CCNY: variants seen among roughly 807,000 people sequenced by gnomAD.
CCNY encodes cyclin-Y.
Under a neutral mutation model 42.8 loss-of-function variants are expected in CCNY, and 19 were observed. That is an observed-to-expected ratio of 0.44 (90% CI 0.31 to 0.65). CCNY has a LOEUF of 0.65. CCNY is among the 30% of genes least tolerant of loss of function. The pLI, the probability that CCNY is intolerant of heterozygous loss-of-function variation, is 0.07. For missense variants in CCNY, 370 were observed against 437.3 expected (o/e 0.85, Z 1.37); for synonymous variants, 165 against 162.7 (o/e 1.01, Z -0.11).
At chr10:35,393,573 C>T (rs1031885139) in intron 1 of CCNY, among the ~76,000 whole-genome samples, 3 of 152,196 alleles carry the variant, frequency 2.0e-5, no homozygotes, top group Admixed American at 2.0e-4. Context: ...TCCTGCAGCT[C>T]GTTTTGCCTC....
At chr10:35,474,025 A>C (rs1445694812) in intron 1 of CCNY, among the ~76,000 whole-genome samples, 1 of 152,168 alleles carries the variant, frequency 6.6e-6, no homozygotes, top group Non-Finnish European at 1.5e-5. Context: ...TAATCAAAGA[A>C]AGGGGTGACG....
intron 1 of CCNY, among the ~76,000 whole-genome samples, chr10:35,362,978 G>C (rs1262185875): frequency 6.6e-6 from 1 of 151,936 alleles, no homozygotes; most frequent in East Asian, 1.9e-4. Flanking sequence ...TCACTTCCCA[G>C]ACAGGGCGGC....
At chr10:35,499,723 A>G (rs1487788004) in intron 2 of CCNY, among the ~76,000 whole-genome samples, 3 of 152,144 alleles carry the variant, frequency 2.0e-5, no homozygotes, top group African/African-American at 7.2e-5. Context: ...TCTCTTTTGC[A>G]CAAACCTATC....
rs201334423 is a variant in CCNY, at chr10:35,304,982, T to TATTTAGGAG, written c.-9+54357_-9+54365dup. Among the ~76,000 whole-genome samples the TATTTAGGAG allele has an allele frequency of 6.9e-3, 1,044 of 152,306 alleles. 4 individuals carry two copies. The highest frequency in any genetic ancestry group is 0.02 in the African/African-American group (836 of 41,566). ...TCATCACTGTTGCCGTGTTGCACAG[T>TATTTAGGAG]ATTTAGGAGCCTAATATACAAGTGT... On this transcript the variant is annotated intron_variant, in intron 3 of 11. Coordinates refer to the CCNY transcript ENST00000374706.
chr10:35,546,586 A>T lies in CCNY; in HGVS notation c.580-6433A>T, dbSNP rs115846233. On this transcript the variant is annotated intron_variant, in intron 7 of 9. Coordinates refer to ENST00000374704, the MANE Select transcript of CCNY (RefSeq NM_145012.6). ...CTAAAGAAGTTGCAGCTGACCCTTG[A>T]CTATAGTTTTATTGGCAAGTTTTGC... 3.3e-3 allele frequency among the ~76,000 whole-genome samples: 509 copies of T among 152,344 alleles called. 4 individuals carry two copies. Among genetic ancestry groups the T allele is most frequent in the African/African-American group, 0.012 (479 of 41,578 alleles).
chr10:35,434,221 G>A (rs1311038093), intron 1 of CCNY: 2 of 152,244 alleles, frequency 1.3e-5, no homozygotes, highest in African/African-American at 4.8e-5. Flanking sequence ...CACAAAGGCT[G>A]TAAGTCTGGA....
At chr10:35,487,678 G>A (rs992071556) in intron 2 of CCNY, among the ~76,000 whole-genome samples, 6 of 152,104 alleles carry the variant, frequency 3.9e-5, no homozygotes, top group African/African-American at 1.4e-4. Context: ...AACTGGTTAA[G>A]TAGCCTGCTC....
upstream of CCNY, among the ~76,000 whole-genome samples, chr10:35,332,627 C>T (rs3003977): frequency 0.069 from 10,566 of 152,160 alleles, 580 homozygotes; most frequent in African/African-American, 0.16. Flanking sequence ...TTTTTTGAGA[C>T]GGAGTCTTGC....
At chr10:35,377,078 G>GCA (rs1837068848) in intron 1 of CCNY, among the ~76,000 whole-genome samples, 1 of 152,180 alleles carries the variant, frequency 6.6e-6, no homozygotes. Context: ...ATGCAATGGT[G>GCA]GTCCCATAAG....
At chr10:35,527,117 A>G (rs535994777) in intron 5 of CCNY, among the ~76,000 whole-genome samples, 2 of 152,352 alleles carry the variant, frequency 1.3e-5, no homozygotes, top group South Asian at 2.1e-4. Flanking sequence ...ATGATCACCT[A>G]TTTCCATACT....
chr10:35,254,286 A>G (rs531418255), intron 3 of CCNY, among the ~76,000 whole-genome samples: 13 of 152,252 alleles, frequency 8.5e-5, no homozygotes, highest in African/African-American at 2.9e-4. Flanking sequence ...ATTCACCATC[A>G]GTAAATGTGT....
intron 3 of CCNY, among the ~76,000 whole-genome samples, chr10:35,269,007 G>C (rs1340289507): frequency 6.6e-6 from 1 of 152,216 alleles, no homozygotes; most frequent in Non-Finnish European, 1.5e-5. Context: ...TTCATGAACA[G>C]CATCTGGCTT....
At chr10:35,540,789 C>A (rs1840983689) in intron 7 of CCNY, among the ~76,000 whole-genome samples, 1 of 152,026 alleles carries the variant, frequency 6.6e-6, no homozygotes. Flanking sequence ...ATCAGCATTA[C>A]CCAATTTGTT....
chr10:35,342,275 T>C (rs1227417169), intron 1 of CCNY, among the ~76,000 whole-genome samples: 1 of 152,258 alleles, frequency 6.6e-6, no homozygotes, highest in Admixed American at 6.5e-5. Context: ...TGCAGCACTC[T>C]TTCTTGAATC....
intron 1 of CCNY, among the ~76,000 whole-genome samples, chr10:35,400,928 G>A (rs766662196): frequency 1.6e-4 from 24 of 152,282 alleles, no homozygotes; most frequent in Admixed American, 3.9e-4. Context: ...ATCTTAATGC[G>A]CACTTTTTTT....
chr10:35,405,278 A>T (rs1837733114), intron 1 of CCNY, among the ~76,000 whole-genome samples: 1 of 151,758 alleles, frequency 6.6e-6, no homozygotes, highest in Non-Finnish European at 1.5e-5. Flanking sequence ...GAGCAGGATA[A>T]GGGTGATTAG....
In CCNY at chr10:35,337,722, C is replaced by G. The variant is rs555353188; in HGVS notation, c.154+515C>G. On this transcript the variant is annotated intron_variant, in intron 1 of 9. Coordinates refer to ENST00000374704, the MANE Select transcript of CCNY (RefSeq NM_145012.6). ...CAAATGGACTCCACTTCCCCCGTTC[C>G]CATTCTACCGTTTTTTTTAAAAAAT... Among the ~76,000 whole-genome samples, 4 of 146,200 alleles carry G rather than the reference C, an allele frequency of 2.7e-5. No homozygotes were observed. The East Asian group carries it at 8.1e-4, about 30-fold the overall frequency.
chr10:35,543,691 C>T (rs1218628001), intron 7 of CCNY, among the ~76,000 whole-genome samples: 3 of 145,528 alleles, frequency 2.1e-5, no homozygotes, highest in African/African-American at 7.5e-5. Flanking sequence ...AGAATGTACT[C>T]CTTCTACTTA....
chr10:35,292,695 C>T (rs1835427286), intron 3 of CCNY, among the ~76,000 whole-genome samples: 1 of 148,854 alleles, frequency 6.7e-6, no homozygotes, highest in Non-Finnish European at 1.5e-5. Flanking sequence ...TCCAGTTTAT[C>T]TTTTTTTTCT....
Sources: gnomAD v4.1 joint callset for allele counts (sites outside exome capture counted in the v4.1 genomes callset) on GRCh38, gnomAD v4.1.1 for gene constraint, MANE v1.5 for transcripts, NCBI Gene and HGNC (gene_info 2026-07-23, HGNC 2026-07-21) for gene names.